Variants in SEC23A observed in about 807,000 individuals in gnomAD.
The protein encoded by SEC23A is protein transport protein Sec23A.
In SEC23A, 56 loss-of-function variants were observed where a neutral mutation model predicts 103.7. That is an observed-to-expected ratio of 0.54 (90% CI 0.44 to 0.67). SEC23A has a LOEUF of 0.67. SEC23A is among the 30% of genes least tolerant of loss of function. The pLI is 0.00. For synonymous variants in SEC23A, 281 were observed against 293.0 expected, an observed-to-expected ratio of 0.96 and a Z score of 0.42; for missense variants, 784 against 936.4, an observed-to-expected ratio of 0.84 and a Z score of 2.12.
chr14:39,085,430 G>C (rs1297757051), intron 7 of SEC23A, among the ~76,000 whole-genome samples: 1 of 152,112 alleles, frequency 6.6e-6, no homozygotes, highest in Non-Finnish European at 1.5e-5. Flanking sequence ...AGAAGTATAG[G>C]TGACAACCTA....
chr14:39,084,096 A>C (rs1252828448), intron 7 of SEC23A, among the ~76,000 whole-genome samples: 1 of 151,546 alleles, frequency 6.6e-6, no homozygotes, highest in Non-Finnish European at 1.5e-5. Flanking sequence ...ATCTCGGCTC[A>C]CTGCAACCTC....
chr14:39,049,738 C>T lies in SEC23A; in HGVS notation c.1660-1009G>A, dbSNP rs558168518. Among the ~76,000 whole-genome samples the T allele has an allele frequency of 3.3e-5, 5 of 151,928 alleles. No homozygotes were observed. In the South Asian group the frequency reaches 1.0e-3, roughly 32 times the overall value. ...GGCTACTCTGTAAGCCATGATCGTG[C>T]CACTGCAAGCCGGCCTGGGAGACAG... On this transcript the variant is annotated intron_variant, in intron 14 of 19. Transcript: ENST00000307712.
Position 39,042,826 on chromosome 14 carries a change from A to G in SEC23A, c.1946T>C (p.Leu649Pro). The G allele has an allele frequency of 6.2e-7, 1 of 1,612,758 alleles. No homozygotes were observed. Among genetic ancestry groups the G allele is most frequent in the East Asian group, 2.2e-5 (1 of 44,818 alleles). The change falls in exon 17 of 20, where the codon CTC (leucine) becomes CCC (proline). Residue 649 changes from leucine (L) to proline (P), a missense_variant. Physicochemically the swap from Leu to Pro is moderately conservative, Grantham distance 98 (BLOSUM62 -3). This residue lies in a region of SEC23A where 101 missense variants were observed against 162.2 expected (regional missense o/e 0.62). Coordinates refer to ENST00000307712, the MANE Select transcript of SEC23A (RefSeq NM_006364.4). ...CAAAATCTGGAAGAATGTGTCCATG[A>G]GAAGAATACGATCTGCAAGAATGCT... ...SSSILADRIL[L>P]MDTFFQILIY...
At chr14:39,077,461 G>A (rs2139257999) in intron 7 of SEC23A, among the ~76,000 whole-genome samples, 1 of 151,330 alleles carries the variant, frequency 6.6e-6, no homozygotes, top group East Asian at 2.0e-4. Context: ...AGAATTGCTT[G>A]AACCCGGGAG....
intron 1 of SEC23A, among the ~76,000 whole-genome samples, chr14:39,099,599 T>C (rs943406023): frequency 6.6e-6 from 1 of 152,184 alleles, no homozygotes; most frequent in Non-Finnish European, 1.5e-5. Flanking sequence ...ATTTAGAAGA[T>C]ATACATTACT....
At chr14:39,077,205 G>A (rs1388452416) in intron 7 of SEC23A, among the ~76,000 whole-genome samples, 2 of 117,116 alleles carry the variant, frequency 1.7e-5, no homozygotes, top group African/African-American at 6.8e-5. Flanking sequence ...CTTAGCCTGG[G>A]CAATGGAGCA....
chr14:39,067,422 G>T, intron 9 of SEC23A, 126 bp from the exon 10 acceptor site: 1 of 973,868 alleles, frequency 1.0e-6, no homozygotes, highest in Non-Finnish European at 1.5e-6. Flanking sequence ...AAAATGTGCT[G>T]TATTACTAAT....
chr14:39,072,861 G>A (rs943701018), intron 9 of SEC23A, among the ~76,000 whole-genome samples: 1 of 152,094 alleles, frequency 6.6e-6, no homozygotes, highest in African/African-American at 2.4e-5. Flanking sequence ...ACAAAGATGT[G>A]GAGAAACTGG....
At chr14:39,064,769 AG>A in intron 11 of SEC23A, 143 bp downstream of exon 11, 1 of 713,774 alleles carries the variant, frequency 1.4e-6, no homozygotes, top group East Asian at 2.6e-5. Context: ...GGAGGGGAAC[AG>A]GGTCTCTCTA....
intron 18 of SEC23A, chr14:39,040,217 T>C (rs1385696001): frequency 6.4e-6 from 1 of 157,230 alleles, no homozygotes; most frequent in African/African-American, 2.4e-5. Flanking sequence ...TGTATGTATA[T>C]GTATCTAACG....
chr14:39,090,674 C>A (rs1022837029), intron 5 of SEC23A, among the ~76,000 whole-genome samples: 1 of 152,140 alleles, frequency 6.6e-6, no homozygotes, highest in Non-Finnish European at 1.5e-5. Context: ...TATGAGGAAG[C>A]CAAGACCACA....
chr14:39,066,178 C>T (rs1213654655), intron 10 of SEC23A, among the ~76,000 whole-genome samples: 1 of 152,064 alleles, frequency 6.6e-6, no homozygotes, highest in Non-Finnish European at 1.5e-5. Flanking sequence ...GCCTCTCTAT[C>T]AAGAGAATGC....
intron 4 of SEC23A, 107 bp from the exon 5 acceptor site, chr14:39,091,820 A>T (rs887650252): frequency 1.3e-6 from 1 of 774,234 alleles, no homozygotes; most frequent in Non-Finnish European, 2.2e-6. Flanking sequence ...ATCCTAGTAA[A>T]GCCATTTCAG....
chr14:39,101,181 CA>C (rs964292877), intron 1 of SEC23A, among the ~76,000 whole-genome samples: 8 of 152,100 alleles, frequency 5.3e-5, no homozygotes, highest in African/African-American at 1.9e-4. Flanking sequence ...ATACAAAACA[CA>C]AAAGACTATT....
At position 39,091,580 on chromosome 14, in the gene SEC23A, A is replaced by C; in HGVS notation, c.500T>G (p.Ile167Ser). 6.2e-7 allele frequency: 1 copy of C among 1,614,050 alleles called. No individual in the cohort carries two copies. The highest frequency in any genetic ancestry group is 8.5e-7 in the Non-Finnish European group (1 of 1,179,972). Residue 167 changes from isoleucine to serine, a missense_variant, in exon 5 of 20, where the codon ATT becomes AGT. Coordinates refer to ENST00000307712, the MANE Select transcript of SEC23A (RefSeq NM_006364.4). ...AACCTGAACCATTCTCCCAAAAGTA[A>C]TAAGTCCAACCAAAGCTGTAGGTGG... ...LLPPTALVGL[I>S]TFGRMVQVHE...
chr14:39,067,658 T>C (rs915451315), intron 9 of SEC23A, among the ~76,000 whole-genome samples: 1 of 144,158 alleles, frequency 6.9e-6, no homozygotes, highest in Non-Finnish European at 1.5e-5. Context: ...GTTTCCAGCA[T>C]GCATTCTCTT....
intron 13 of SEC23A, 110 bp downstream of exon 13, chr14:39,061,655 C>T: frequency 1.3e-6 from 1 of 765,768 alleles, no homozygotes; most frequent in South Asian, 1.4e-5. Context: ...CTATTAGTCA[C>T]AAATATTCAC....
intron 7 of SEC23A, among the ~76,000 whole-genome samples, chr14:39,085,035 G>T (rs1887382262): frequency 6.6e-6 from 1 of 152,176 alleles, no homozygotes; most frequent in African/African-American, 2.4e-5. Flanking sequence ...TCACTGAAAA[G>T]ACTAAAGCCT....
intron 18 of SEC23A, chr14:39,040,376 T>C (rs1314955784): frequency 5.3e-6 from 1 of 188,736 alleles, no homozygotes; most frequent in Non-Finnish European, 1.1e-5. Flanking sequence ...GTCATATTCA[T>C]AGACTTTAAC....
Sources: gnomAD v4.1 joint callset for allele counts (sites outside exome capture counted in the v4.1 genomes callset) on GRCh38, gnomAD v4.1.1 for gene constraint, gnomAD v4.1.1 regional missense constraint, MANE v1.5 for transcripts, NCBI Gene and HGNC (gene_info 2026-07-23, HGNC 2026-07-21) for gene names.